TMEM164: variants seen among roughly 807,000 people sequenced by gnomAD.
TMEM164 encodes the protein transmembrane protein 164.
TMEM164 carries 4 observed loss-of-function variants against 18.8 expected under a neutral mutation model. That is an observed-to-expected ratio of 0.21 (90% CI 0.10 to 0.49). The LOEUF (loss-of-function observed/expected upper bound fraction) is 0.49, where lower values mean the gene tolerates loss of function less well. Among genes scored for constraint, TMEM164 ranks in the 20% least tolerant of loss-of-function variants. The pLI, the probability that TMEM164 is intolerant of heterozygous loss-of-function variation, is 0.98. For synonymous variants in TMEM164, 86 were observed against 101.7 expected, an observed-to-expected ratio of 0.85 and a Z score of 0.93; for missense variants, 108 against 239.9, an observed-to-expected ratio of 0.45 and a Z score of 3.63.
chrX:110,048,438 C>G (rs1935407010), intron 2 of TMEM164, among the ~76,000 whole-genome samples: 1 of 112,087 alleles, frequency 8.9e-6, no homozygotes. Flanking sequence ...ATGCCCAGCA[C>G]TTAGCATAGT....
intron 3 of TMEM164, among the ~76,000 whole-genome samples, chrX:110,095,092 C>T (rs1430836082): frequency 1.8e-5 from 2 of 112,085 alleles, no homozygotes; most frequent in Non-Finnish European, 3.8e-5. Context: ...CCCGACCTTT[C>T]TCTCTGGCTG....
chrX:110,032,814 G>T (rs1934578345), intron 2 of TMEM164, among the ~76,000 whole-genome samples: 2 of 111,994 alleles, frequency 1.8e-5, no homozygotes, highest in Admixed American at 1.9e-4. Flanking sequence ...GCTAGAAAGT[G>T]CCATAGAAAT....
At chrX:110,151,125 A>G in intron 5 of TMEM164, among the ~76,000 whole-genome samples, 1 of 112,159 alleles carries the variant, frequency 8.9e-6, no homozygotes, top group Non-Finnish European at 1.9e-5. Flanking sequence ...TATTTTTTTC[A>G]GTCTGCTATT....
In TMEM164 at chrX:110,013,873, T is replaced by C. The variant is rs189240025; in HGVS notation, c.390+9709T>C. ...TTAGCAGTTTTTAATAGTAATAGTATTACTTAACATTTCAAGATCATAGTG... is the reference window on the plus strand; with the variant it reads ...TTAGCAGTTTTTAATAGTAATAGTACTACTTAACATTTCAAGATCATAGTG... On this transcript the variant is annotated intron_variant, in intron 2 of 6. Transcript: ENST00000372068. 4.3e-3 allele frequency among the ~76,000 whole-genome samples: 478 copies of C among 111,906 alleles called. 4 individuals carry two copies. The highest frequency in any genetic ancestry group is 0.014 in the African/African-American group (428 of 30,756).
intron 4 of TMEM164, among the ~76,000 whole-genome samples, chrX:110,121,508 C>T (rs1179175534): frequency 8.9e-6 from 1 of 112,262 alleles, no homozygotes; most frequent in African/African-American, 3.2e-5. Flanking sequence ...AGGGTTCATC[C>T]ATGTTGTTGC....
At chrX:110,030,215 G>A (rs1441741415) in intron 2 of TMEM164, among the ~76,000 whole-genome samples, 5 of 99,868 alleles carry the variant, frequency 5.0e-5, no homozygotes, top group African/African-American at 1.9e-4. Flanking sequence ...GACTTCCCTG[G>A]GCTCAGGTGA....
intron 5 of TMEM164, among the ~76,000 whole-genome samples, chrX:110,164,125 A>G (rs973889575): frequency 3.6e-5 from 4 of 112,166 alleles, no homozygotes; most frequent in African/African-American, 1.3e-4. Flanking sequence ...GTTTGTGATC[A>G]CGAATTTGAA....
chrX:110,079,399 G>T (rs1379555078), intron 3 of TMEM164, among the ~76,000 whole-genome samples: 1 of 112,101 alleles, frequency 8.9e-6, no homozygotes, highest in Non-Finnish European at 1.9e-5. Flanking sequence ...CATGACCTTT[G>T]CTCTTGACCA....
Position 110,091,434 on chromosome X carries a change from T to C in TMEM164, c.441-17646T>C, listed in dbSNP as rs749967152. Among the ~76,000 whole-genome samples the C allele has an allele frequency of 4.4e-5, 5 of 112,381 alleles. No homozygotes were observed. The East Asian group carries it at 1.4e-3, about 31-fold the overall frequency. ...GTGAGATGGTATCTCACTGTGGTTT[T>C]GATTTGCATTTCTCTGATGGCCAGG... On this transcript the variant is annotated intron_variant, in intron 3 of 6. Transcript: ENST00000372068.
intron 2 of TMEM164, among the ~76,000 whole-genome samples, chrX:110,033,556 A>G (rs1243186367): frequency 8.9e-6 from 1 of 111,902 alleles, no homozygotes; most frequent in African/African-American, 3.2e-5. Context: ...TAGCAAAGGC[A>G]TCTAGCATCT....
At chrX:110,147,608 TC>T (rs1317101205) in intron 5 of TMEM164, among the ~76,000 whole-genome samples, 6 of 110,529 alleles carry the variant, frequency 5.4e-5, no homozygotes, top group Non-Finnish European at 9.5e-5. Context: ...CTATTCTCTC[TC>T]TTTTTTTTTC....
intron 3 of TMEM164, chrX:110,082,220 C>T (rs1386151981): frequency 8.8e-6 from 1 of 113,579 alleles, no homozygotes; most frequent in Non-Finnish European, 1.9e-5. Context: ...TTCTTTTGAT[C>T]TCTAGTATCT....
intron 4 of TMEM164, among the ~76,000 whole-genome samples, chrX:110,113,333 T>C (rs754677785): frequency 1.8e-5 from 2 of 111,834 alleles, no homozygotes; most frequent in East Asian, 5.6e-4. Flanking sequence ...GGTCTGGTTC[T>C]TTTAGATGGT....
chrX:110,033,831 G>A (rs188225181), intron 2 of TMEM164, among the ~76,000 whole-genome samples: 2 of 111,387 alleles, frequency 1.8e-5, no homozygotes, highest in Admixed American at 1.9e-4. Flanking sequence ...TATACTTCCA[G>A]AACAGTACAG....
rs946535309 is a variant in TMEM164 at position 110,174,228 on chromosome X, C to T, written c.*777C>T. On this transcript the variant is annotated 3_prime_UTR_variant, in exon 7 of 7. Transcript: ENST00000372068. ...TGCCTGTGAGAGTTGAGAACTGATG[C>T]ATATCCCAATCAGAAGTGAGCACAG... 8.9e-6 allele frequency: 1 copy of T among 112,037 alleles called. No individual in the cohort carries two copies. The highest frequency in any genetic ancestry group is 1.9e-5 in the Non-Finnish European group (1 of 53,173). The allele number at this position is 112,037 out of a possible 1,213,427, so 9.2% of individuals were successfully genotyped here. A position where few individuals can be genotyped will look rare whatever the true frequency, so the allele number is the denominator to read the frequency against.
intron 2 of TMEM164, chrX:110,046,083 T>G (rs951164249): frequency 4.0e-6 from 3 of 752,971 alleles, no homozygotes; most frequent in Non-Finnish European, 4.7e-6. Flanking sequence ...TCAACAACAG[T>G]TGGTTTACAT....
intron 5 of TMEM164, among the ~76,000 whole-genome samples, chrX:110,168,408 C>T (rs1051274033): frequency 2.7e-5 from 3 of 112,681 alleles, no homozygotes; most frequent in Non-Finnish European, 3.8e-5. Flanking sequence ...AGAGACAATC[C>T]AACTTGTGTG....
intron 2 of TMEM164, among the ~76,000 whole-genome samples, chrX:110,026,483 C>G (rs765458969): frequency 1.8e-5 from 2 of 111,377 alleles, no homozygotes; most frequent in African/African-American, 3.3e-5. Flanking sequence ...CTCCCTGACT[C>G]TATCTACCCT....
At chrX:110,091,831 T>C (rs2065934167) in intron 3 of TMEM164, among the ~76,000 whole-genome samples, 1 of 112,654 alleles carries the variant, frequency 8.9e-6, no homozygotes, top group African/African-American at 3.2e-5. Flanking sequence ...CTAGGGTTTT[T>C]ATGGTTTCAG....
Sources: gnomAD v4.1 joint callset for allele counts (sites outside exome capture counted in the v4.1 genomes callset) on GRCh38, gnomAD v4.1.1 for gene constraint, MANE v1.5 for transcripts, NCBI Gene and HGNC (gene_info 2026-07-23, HGNC 2026-07-21) for gene names.